AGBL1: variants seen among roughly 807,000 people sequenced by gnomAD.
The protein encoded by AGBL1 is cytosolic carboxypeptidase 4.
AGBL1 carries 130 observed loss-of-function variants against 118.9 expected under a neutral mutation model. The observed-to-expected ratio is 1.09, with a 90% confidence interval of 0.95 to 1.26. AGBL1 has a LOEUF of 1.26. Among genes scored for constraint, AGBL1 ranks in the 50% most tolerant of loss-of-function variants. The probability of loss-of-function intolerance (pLI) is 0.00; values close to 1 mark genes in which losing one functional copy is unlikely to be tolerated. For synonymous variants in AGBL1, 555 were observed against 478.9 expected (o/e 1.16, Z -2.08); for missense variants, 1,584 against 1,298.1 (o/e 1.22, Z -3.38).
At chr15:86,124,036 G>A (rs1028103033) in intron 1 of AGBL1, among the ~76,000 whole-genome samples, 6 of 151,932 alleles carry the variant, frequency 3.9e-5, no homozygotes, top group African/African-American at 9.7e-5. Context: ...TTTAGTTAAC[G>A]ATAATGTACC....
At chr15:86,286,585 G>GCATTT (rs987347471) in intron 16 of AGBL1, among the ~76,000 whole-genome samples, 1 of 151,558 alleles carries the variant, frequency 6.6e-6, no homozygotes, top group African/African-American at 2.4e-5. Context: ...TCTGCGCCCA[G>GCATTT]CATTTCACTT....
chr15:86,110,644 A>T (rs551636581), intron 1 of AGBL1, among the ~76,000 whole-genome samples: 47 of 152,290 alleles, frequency 3.1e-4, no homozygotes, highest in African/African-American at 1.1e-3. Flanking sequence ...TTGGGCCACC[A>T]GTTTGCTCAA....
chr15:86,137,497 C>G (rs892420695), intron 1 of AGBL1, among the ~76,000 whole-genome samples: 1 of 152,130 alleles, frequency 6.6e-6, no homozygotes, highest in Non-Finnish European at 1.5e-5. Context: ...GTGGGGGGCT[C>G]CTTAGAGTTG....
chr15:86,626,208 G>A (rs1020025633), intron 21 of AGBL1, among the ~76,000 whole-genome samples: 3 of 152,138 alleles, frequency 2.0e-5, no homozygotes, highest in African/African-American at 4.8e-5. Flanking sequence ...ACATGCATAC[G>A]TGTGTTCATT....
Position 86,751,696 on chromosome 15 carries a change from T to C in AGBL1, c.3158+77260T>C, listed in dbSNP as rs76558429. Among the ~76,000 whole-genome samples, 705 of 152,280 alleles carry C rather than the reference T, an allele frequency of 4.6e-3. 5 individuals carry two copies. Among genetic ancestry groups the C allele is most frequent in the African/African-American group, 0.016 (674 of 41,576 alleles). On this transcript the variant is annotated intron_variant, in intron 22 of 22. Transcript: ENST00000614907. ...CAATGTTCAATGACCATCTTATAGA[T>C]GAAAACTGTATTACATATCTTATTT...
intron 22 of AGBL1, among the ~76,000 whole-genome samples, chr15:86,825,682 AG>A (rs1490442262): frequency 2.0e-4 from 24 of 119,462 alleles, no homozygotes; most frequent in African/African-American, 7.4e-4. Flanking sequence ...GGAGGAAGGA[AG>A]GGAGAGAGGG....
At chr15:86,377,947 G>C (rs912892844) in intron 17 of AGBL1, among the ~76,000 whole-genome samples, 1 of 152,140 alleles carries the variant, frequency 6.6e-6, no homozygotes, top group African/African-American at 2.4e-5. Context: ...TGGTAGAAGA[G>C]AGACCATTAA....
rs1555413926 is a variant in AGBL1 at position 86,457,166 on chromosome 15, T to TTCTATG, written c.2555+59622_2555+59627dup. Among the ~76,000 whole-genome samples the TTCTATG allele has an allele frequency of 7.3e-5, 11 of 151,690 alleles. No homozygotes were observed. In the East Asian group the frequency reaches 2.1e-3, roughly 29 times the overall value. On this transcript the variant is annotated intron_variant, in intron 18 of 22. Transcript: ENST00000614907. ...TTCAAAGGGACAGAAGCAAATATCT[T>TTCTATG]TCTATGTTTTTAAAATTTATTTTTG...
intron 22 of AGBL1, among the ~76,000 whole-genome samples, chr15:86,816,307 A>T (rs972157190): frequency 6.6e-6 from 1 of 152,206 alleles, no homozygotes; most frequent in Admixed American, 6.5e-5. Flanking sequence ...TGAAGAAGGC[A>T]GGTGGCCAGC....
chr15:86,120,916 A>G (rs1315137412), intron 1 of AGBL1, among the ~76,000 whole-genome samples: 2 of 147,242 alleles, frequency 1.4e-5, no homozygotes, highest in African/African-American at 5.0e-5. Flanking sequence ...TTTTTTTTTA[A>G]GATGGAGTCC....
intron 5 of AGBL1, among the ~76,000 whole-genome samples, chr15:86,166,798 T>C (rs1239381309): frequency 6.6e-6 from 1 of 152,174 alleles, no homozygotes; most frequent in African/African-American, 2.4e-5. Flanking sequence ...ATGGATCAAA[T>C]AAGTTACACA....
intron 21 of AGBL1, among the ~76,000 whole-genome samples, chr15:86,564,673 G>T (rs1334457751): frequency 6.6e-6 from 1 of 152,086 alleles, no homozygotes; most frequent in Non-Finnish European, 1.5e-5. Context: ...TTTGAATGTT[G>T]GCCTGCCTTG....
At chr15:86,992,110 T>C (rs760648163) in intron 24 of AGBL1, among the ~76,000 whole-genome samples, 16 of 152,038 alleles carry the variant, frequency 1.1e-4, no homozygotes, top group Non-Finnish European at 2.2e-4. Flanking sequence ...CTTCTACTCA[T>C]GGCAGAAGGG....
chr15:87,023,736 C>A (rs753518943), intron 24 of AGBL1, among the ~76,000 whole-genome samples: 1 of 151,932 alleles, frequency 6.6e-6, no homozygotes, highest in Non-Finnish European at 1.5e-5. Context: ...TGATAGACCA[C>A]AAAATGAGCT....
intron 22 of AGBL1, among the ~76,000 whole-genome samples, chr15:86,900,319 C>A (rs2080193268): frequency 6.6e-6 from 1 of 152,084 alleles, no homozygotes; most frequent in South Asian, 2.1e-4. Context: ...TTTAGAGAAC[C>A]CTGACTAATA....
chr15:86,664,281 C>T (rs776069754), intron 21 of AGBL1, among the ~76,000 whole-genome samples: 21 of 152,168 alleles, frequency 1.4e-4, no homozygotes, highest in Non-Finnish European at 2.8e-4. Flanking sequence ...GCATTAGAGT[C>T]CATTTGTTGG....
At chr15:86,422,348 C>A (rs1162891589) in intron 18 of AGBL1, among the ~76,000 whole-genome samples, 1 of 152,142 alleles carries the variant, frequency 6.6e-6, no homozygotes, top group Non-Finnish European at 1.5e-5. Flanking sequence ...TGAATGACTA[C>A]TGGGTAAATA....
intron 18 of AGBL1, among the ~76,000 whole-genome samples, chr15:86,439,146 C>T (rs2082032987): frequency 6.6e-6 from 1 of 152,138 alleles, no homozygotes; most frequent in South Asian, 2.1e-4. Flanking sequence ...AGCATCTCAT[C>T]TCCTGCTTGT....
At chr15:86,849,517 C>CTTTTTTTTTTTTTT (rs68185029) in intron 22 of AGBL1, among the ~76,000 whole-genome samples, 73 of 136,738 alleles carry the variant, frequency 5.3e-4, no homozygotes, top group South Asian at 1.8e-3. Flanking sequence ...TTCTTTCTTT[C>CTTTTTTTTTTTTTT]TTTTTTTTTT....
Sources: allele counts gnomAD v4.1 joint callset (sites outside exome capture counted in the v4.1 genomes callset), GRCh38; gene constraint gnomAD v4.1.1; transcripts MANE v1.5; gene names NCBI Gene and HGNC (gene_info 2026-07-23, HGNC 2026-07-21).